PHF21B: variants seen among roughly 807,000 people sequenced by gnomAD.
PHF21B encodes the protein PHD finger protein 21B.
PHF21B carries 22 observed loss-of-function variants against 62.2 expected under a neutral mutation model. The observed-to-expected ratio is 0.35, with a 90% CI of 0.25 to 0.51. PHF21B has a LOEUF of 0.51. Ranked by LOEUF, PHF21B falls within the 20% of genes least tolerant of loss-of-function variation. The pLI is 0.97. For synonymous variants in PHF21B, 341 were observed against 314.7 expected (o/e 1.08, Z -0.88); for missense variants, 701 against 707.9 (o/e 0.99, Z 0.11).
At position 44,948,051 on chromosome 22, in the gene PHF21B, G is replaced by A. The variant is rs533204325; in HGVS notation, c.121-27561C>T. ...GTCCCGTTCGGACGTGATGCTGCCT[G>A]TTTTGTACCTTACATCAGTGGTCTC... On this transcript the variant is annotated intron_variant, in intron 2 of 12. Transcript: ENST00000313237. Among the ~76,000 whole-genome samples the A allele has an allele frequency of 2.8e-5, 3 of 106,160 alleles. No homozygotes were observed. The South Asian group carries it at 8.5e-4, about 30-fold the overall frequency. 69.6% of individuals were successfully genotyped at this position (106,160 alleles called of 152,430 possible). A position where few individuals can be genotyped will look rare whatever the true frequency, so the allele number is the denominator to read the frequency against.
intron 2 of PHF21B, among the ~76,000 whole-genome samples, chr22:44,998,804 A>C (rs935395287): frequency 6.6e-6 from 1 of 151,786 alleles, no homozygotes; most frequent in African/African-American, 2.4e-5. Flanking sequence ...AGCTCTCTCT[A>C]CTCAACTCCT....
chr22:44,916,978 C>T (rs967483829), intron 3 of PHF21B, among the ~76,000 whole-genome samples: 2 of 152,374 alleles, frequency 1.3e-5, no homozygotes, highest in South Asian at 2.1e-4. Context: ...AAGTCCCAAG[C>T]GGCAAAGCCC....
chr22:44,988,664 G>A (rs2072993940), intron 2 of PHF21B, among the ~76,000 whole-genome samples: 1 of 152,190 alleles, frequency 6.6e-6, no homozygotes, highest in African/African-American at 2.4e-5. Context: ...AAATATGAAT[G>A]CCAGGGAAAG....
At chr22:44,902,295 G>A (rs904514434) in intron 5 of PHF21B, 7 of 289,436 alleles carry the variant, frequency 2.4e-5, no homozygotes, top group East Asian at 9.3e-5. Flanking sequence ...ACAGGGCAGC[G>A]CAAGGTTGAT....
chr22:44,993,188 G>C (rs898461292), intron 2 of PHF21B, among the ~76,000 whole-genome samples: 2 of 152,142 alleles, frequency 1.3e-5, no homozygotes, highest in Admixed American at 6.5e-5. Context: ...CTGGCTGGGC[G>C]GTCTGGGCTC....
intron 2 of PHF21B, among the ~76,000 whole-genome samples, chr22:44,973,196 A>C (rs1334001870): frequency 1.3e-5 from 2 of 152,074 alleles, no homozygotes; most frequent in Non-Finnish European, 2.9e-5. Flanking sequence ...CAGTCAGAGA[A>C]AACGGGGTCT....
chr22:44,916,148 T>C (rs2071427362), intron 4 of PHF21B, 132 bp downstream of exon 4: 1 of 830,654 alleles, frequency 1.2e-6, no homozygotes, highest in Non-Finnish European at 1.9e-6. Flanking sequence ...CATTCATTTG[T>C]CCACTTGATC....
chr22:44,976,764 C>A (rs2072745272), intron 2 of PHF21B, among the ~76,000 whole-genome samples: 1 of 152,224 alleles, frequency 6.6e-6, no homozygotes, highest in Admixed American at 6.5e-5. Flanking sequence ...TTATTAAGTA[C>A]TGAAGAGAGA....
intron 8 of PHF21B, among the ~76,000 whole-genome samples, chr22:44,890,566 T>C (rs773829958): frequency 1.3e-5 from 2 of 152,136 alleles, no homozygotes; most frequent in Non-Finnish European, 2.9e-5. Flanking sequence ...CAGGGAGGGA[T>C]GGTGACATGT....
chr22:44,916,250 C>G (rs558812926), intron 4 of PHF21B, 30 bp downstream of exon 4: 98 of 1,596,486 alleles, frequency 6.1e-5, no homozygotes, highest in Middle Eastern at 3.3e-4. Flanking sequence ...GGCCGCACAC[C>G]CTTTCCGGAG....
At chr22:44,951,479 G>C (rs999226888) in intron 2 of PHF21B, among the ~76,000 whole-genome samples, 1 of 152,204 alleles carries the variant, frequency 6.6e-6, no homozygotes, top group Non-Finnish European at 1.5e-5. Context: ...ACAGGCCACA[G>C]ACCAGTACCA....
At chr22:44,946,378 CT>C in intron 2 of PHF21B, among the ~76,000 whole-genome samples, 1 of 152,194 alleles carries the variant, frequency 6.6e-6, no homozygotes, top group Non-Finnish European at 1.5e-5. Flanking sequence ...ATCCCTCCTG[CT>C]GGGCTCTCAT....
At chr22:44,929,546 T>G (rs779982526) in intron 2 of PHF21B, among the ~76,000 whole-genome samples, 1 of 152,132 alleles carries the variant, frequency 6.6e-6, no homozygotes, top group African/African-American at 2.4e-5. Context: ...AAGACCACCA[T>G]GGGGAGGCCA....
At chr22:44,917,997 C>T (rs748144863) in intron 3 of PHF21B, among the ~76,000 whole-genome samples, 2 of 152,230 alleles carry the variant, frequency 1.3e-5, no homozygotes, top group Non-Finnish European at 1.5e-5. Flanking sequence ...CACGGGCAGG[C>T]GATGTGGCCA....
rs79964406 is a variant in PHF21B, at chr22:44,924,346, C to T, written c.121-3856G>A. 2.0e-3 allele frequency among the ~76,000 whole-genome samples: 306 copies of T among 152,236 alleles called. 1 individual carries two copies. Among genetic ancestry groups the T allele is most frequent in the African/African-American group, 6.8e-3 (282 of 41,530 alleles). ...CTGCTGTCGGGAACATAAAATGATACGCTTTGAAAGACAGTTTGGCAGTTA... is the reference window on the plus strand; with the variant it reads ...CTGCTGTCGGGAACATAAAATGATATGCTTTGAAAGACAGTTTGGCAGTTA... On this transcript the variant is annotated intron_variant, in intron 2 of 12. Transcript: ENST00000313237.
chr22:44,976,260 T>C (rs912533431), intron 2 of PHF21B, among the ~76,000 whole-genome samples: 1 of 152,258 alleles, frequency 6.6e-6, no homozygotes, highest in African/African-American at 2.4e-5. Context: ...TGTGTAATCA[T>C]CAAATCAAGG....
chr22:44,937,009 T>C (rs957805774), intron 2 of PHF21B, among the ~76,000 whole-genome samples: 7 of 151,784 alleles, frequency 4.6e-5, no homozygotes, highest in Admixed American at 3.3e-4. Context: ...GGATTACAGG[T>C]GCCCGCCACC....
chr22:44,921,050 T>C (rs2147313848), intron 2 of PHF21B, among the ~76,000 whole-genome samples: 1 of 152,346 alleles, frequency 6.6e-6, no homozygotes, highest in South Asian at 2.1e-4. Flanking sequence ...TGGACCAAAA[T>C]GCAGGAATAT....
intron 12 of PHF21B, among the ~76,000 whole-genome samples, chr22:44,884,874 CACCATT>C (rs1192739204): frequency 6.6e-6 from 1 of 151,982 alleles, no homozygotes; most frequent in South Asian, 2.1e-4. Context: ...TCATCACCAT[CACCATT>C]ACTACCATCA....
Sources: gnomAD v4.1 joint callset for allele counts (sites outside exome capture counted in the v4.1 genomes callset) on GRCh38, gnomAD v4.1.1 for gene constraint, MANE v1.5 for transcripts, NCBI Gene and HGNC (gene_info 2026-07-23, HGNC 2026-07-21) for gene names.